The following BDP1 variants were observed in gnomAD, a reference collection of about 807,000 sequenced individuals.
BDP1 encodes BDP1 general transcription factor IIIB subunit.
A neutral mutation model predicts 266.6 loss-of-function variants in BDP1; 169 were observed. The ratio of observed to expected loss-of-function variants is 0.63; its 90% CI spans 0.56 to 0.72. BDP1 has a LOEUF of 0.72. Among genes scored for constraint, BDP1 ranks in the 30% least tolerant of loss-of-function variants. The pLI is 0.00. For synonymous variants in BDP1, 1,090 were observed against 1,022.4 expected, an observed-to-expected ratio of 1.07 and a Z score of -1.26; for missense variants, 3,015 against 3,053.8, an observed-to-expected ratio of 0.99 and a Z score of 0.30.
intron 7 of BDP1, among the ~76,000 whole-genome samples, chr5:71,472,174 GAGT>G (rs1333847446): frequency 6.6e-6 from 1 of 152,044 alleles, no homozygotes; most frequent in African/African-American, 2.4e-5. Flanking sequence ...AGAAAAGTGA[GAGT>G]AGGCTGGGCA....
rs911822911 is a variant in BDP1, at chr5:71,545,163, G to A, written c.6688G>A (p.Glu2230Lys). 7 of 1,613,558 alleles carry A rather than the reference G, an allele frequency of 4.3e-6. No homozygotes were observed. The highest frequency in any genetic ancestry group is 5.9e-6 in the Non-Finnish European group (7 of 1,179,940). ...GGGTCTTGGTGAAAATTCTGTTGAA[G>A]AGCCCCAGATAAAGGACTCTAAAGG... ...DRGLGENSVE[E>K]PQIKDSKGDS... The change falls in exon 32 of 39, where the codon GAG (glutamate) becomes AAG (lysine). Residue 2230 changes from glutamate to lysine, a missense_variant. By Grantham distance (56) the Glu-to-Lys change is moderately conservative (BLOSUM62 1). Coordinates refer to ENST00000358731, the MANE Select transcript of BDP1 (RefSeq NM_018429.3).
chr5:71,547,853 C>G (rs1172137303), intron 32 of BDP1, among the ~76,000 whole-genome samples: 7 of 152,004 alleles, frequency 4.6e-5, no homozygotes, highest in African/African-American at 1.7e-4. Flanking sequence ...GAGACTGAGG[C>G]AGGAGAATTG....
chr5:71,516,480 G>A (rs1031644164), intron 21 of BDP1, among the ~76,000 whole-genome samples: 2 of 151,784 alleles, frequency 1.3e-5, no homozygotes, highest in South Asian at 2.1e-4. Context: ...GCTATTCATC[G>A]TAAAATGTTC....
rs762395335 is a variant in BDP1, at chr5:71,545,043, G to A, written c.6568G>A (p.Glu2190Lys). 8.1e-6 allele frequency: 13 copies of A among 1,611,998 alleles called. No individual in the cohort carries two copies. The highest frequency in any genetic ancestry group is 3.5e-4 in the Middle Eastern group (2 of 5,796). Reference protein sequence around the residue: ...SSEVNLTERNENQEESSQEVH... With the variant: ...SSEVNLTERNKNQEESSQEVH... ...GCATGCTAAACTCTCTTTCAGAAACGAAAATCAAGAAGAGAGCTCTCAGGA... is the reference window on the plus strand; with the variant it reads ...GCATGCTAAACTCTCTTTCAGAAACAAAAATCAAGAAGAGAGCTCTCAGGA... The change falls in exon 32 of 39, where the codon GAA becomes AAA. Residue 2190 changes from glutamate to lysine, a missense_variant. Physicochemically the swap from Glu to Lys is moderately conservative, Grantham distance 56. Coordinates refer to ENST00000358731, the MANE Select transcript of BDP1 (RefSeq NM_018429.3).
chr5:71,521,291 GTT>G (rs1206948176), intron 22 of BDP1, among the ~76,000 whole-genome samples: 15 of 133,488 alleles, frequency 1.1e-4, no homozygotes, highest in South Asian at 2.4e-4. Flanking sequence ...GTTTATATTA[GTT>G]TTTTTTTTTT....
chr5:71,492,008 G>A (rs879369100), intron 11 of BDP1, among the ~76,000 whole-genome samples: 5 of 152,306 alleles, frequency 3.3e-5, no homozygotes, highest in South Asian at 2.1e-4. Flanking sequence ...GAGTCACAGC[G>A]CCCAGCCTCA....
chr5:71,508,589 C>T (rs1212899596), intron 16 of BDP1, among the ~76,000 whole-genome samples: 24 of 151,846 alleles, frequency 1.6e-4, no homozygotes, highest in South Asian at 2.1e-4. Flanking sequence ...CAGCTCAATA[C>T]GTCTTTTTTT....
chr5:71,548,327 A>C (rs1450618741), intron 32 of BDP1, among the ~76,000 whole-genome samples: 1 of 152,206 alleles, frequency 6.6e-6, no homozygotes, highest in African/African-American at 2.4e-5. Context: ...AGGGAACCAT[A>C]CTGCATGCAG....
Position 71,510,858 on chromosome 5 carries a change from G to C in BDP1, c.3766G>C (p.Glu1256Gln). 1 of 1,613,304 alleles carries C rather than the reference G, an allele frequency of 6.2e-7. No homozygotes were observed. The change falls in exon 17 of 39, where the codon GAA (glutamate) becomes CAA (glutamine). Residue 1256 changes from glutamate (E) to glutamine (Q), a missense_variant. Glu to Gln is a conservative substitution (Grantham distance 29). Coordinates refer to ENST00000358731, the MANE Select transcript of BDP1 (RefSeq NM_018429.3). Reference sequence around the variant, plus strand: ...AAGGGAAAAGGAGATTGATTTGAAAGAAACTGGAAAAAGAGACATTCCCAT... The same window carrying C: ...AAGGGAAAAGGAGATTGATTTGAAACAAACTGGAAAAAGAGACATTCCCAT... ...AIREKEIDLK[E>Q]TGKRDIPIME...
chr5:71,502,190 T>TC (rs1491320975), intron 14 of BDP1, among the ~76,000 whole-genome samples: 9 of 70,972 alleles, frequency 1.3e-4, no homozygotes, highest in South Asian at 8.8e-4. Context: ...TTTCTCTCTC[T>TC]TTTTTTTTTT....
intron 16 of BDP1, among the ~76,000 whole-genome samples, chr5:71,505,069 T>C (rs1218506073): frequency 6.6e-6 from 1 of 152,150 alleles, no homozygotes; most frequent in Admixed American, 6.5e-5. Context: ...GGCTGGAGTA[T>C]AATCTCAGCT....
Position 71,564,906 on chromosome 5 carries a change from T to C in BDP1, c.*21T>C. On this transcript the variant is annotated 3_prime_UTR_variant, in exon 39 of 39. Coordinates refer to ENST00000358731, the MANE Select transcript of BDP1 (RefSeq NM_018429.3). ...AATAAAACAATCTTTTCTCTTTTTCTTTTTTAAATTAGGTCTAGGATTTCC... is the reference window on the plus strand; with the variant it reads ...AATAAAACAATCTTTTCTCTTTTTCCTTTTTAAATTAGGTCTAGGATTTCC... The C allele has an allele frequency of 6.4e-7, 1 of 1,572,066 alleles. No individual in the cohort carries two copies. The highest frequency in any genetic ancestry group is 2.2e-5 in the East Asian group (1 of 44,450).
In BDP1 at chr5:71,565,439, C is replaced by T. The variant is rs778663023; in HGVS notation, c.*554C>T. The T allele has an allele frequency of 1.3e-5, 2 of 152,438 alleles. No individual in the cohort carries two copies. The highest frequency in any genetic ancestry group is 2.9e-5 in the Non-Finnish European group (2 of 68,228). 9.4% of individuals were successfully genotyped at this position (152,438 alleles called of 1,614,324 possible). On this transcript the variant is annotated 3_prime_UTR_variant, in exon 39 of 39. Coordinates refer to ENST00000358731, the MANE Select transcript of BDP1 (RefSeq NM_018429.3). ...TAAAATGGAGATAAATTCCTATCAA[C>T]TAGTGACATTATAGCCATCATAACA...
In BDP1 at chr5:71,526,615, C is replaced by CAA. The variant is rs752124588; in HGVS notation, c.5772+2312_5772+2313dup. Among the ~76,000 whole-genome samples the CAA allele has an allele frequency of 2.3e-3, 114 of 49,816 alleles. 3 individuals carry two copies. The highest frequency in any genetic ancestry group is 7.2e-3 in the African/African-American group (87 of 12,040). The allele number at this position is 49,816 out of a possible 152,430, so 32.7% of individuals were successfully genotyped here. ...TGGGAGACAGAGCGAGACTCTATCT[C>CAA]AAAAAAAAAAAAAAAAAAAAAGAAG... On this transcript the variant is annotated intron_variant, in intron 25 of 38. Coordinates refer to ENST00000358731, the MANE Select transcript of BDP1 (RefSeq NM_018429.3).
the BDP1 span, among the ~76,000 whole-genome samples, chr5:71,574,219 C>T: frequency 3.9e-5 from 6 of 152,226 alleles, no homozygotes; most frequent in East Asian, 1.9e-4. Flanking sequence ...AAAGGAATGC[C>T]GCCAGATCTC....
chr5:71,564,050 G>GT (rs1344473520), intron 38 of BDP1, among the ~76,000 whole-genome samples: 1 of 152,100 alleles, frequency 6.6e-6, no homozygotes, highest in East Asian at 1.9e-4. Flanking sequence ...TTTTGGTAAG[G>GT]TATTGGTCTG....
chr5:71,573,594 AT>A, the BDP1 span, among the ~76,000 whole-genome samples: 6 of 152,214 alleles, frequency 3.9e-5, no homozygotes, highest in African/African-American at 1.4e-4. Flanking sequence ...TTACCCTTTG[AT>A]GTAAAACAAT....
chr5:71,476,695 C>T (rs946477595), intron 7 of BDP1, among the ~76,000 whole-genome samples: 3 of 151,984 alleles, frequency 2.0e-5, no homozygotes, highest in African/African-American at 4.8e-5. Flanking sequence ...GCGCGTGCCA[C>T]CACGCCCAGC....
intron 10 of BDP1, 37 bp from the exon 11 acceptor site, chr5:71,490,947 G>A: frequency 6.4e-7 from 1 of 1,562,582 alleles, no homozygotes; most frequent in South Asian, 1.2e-5. Flanking sequence ...TGTTTTTGCT[G>A]TCATTTTTTA....
Sources: allele counts gnomAD v4.1 joint callset (sites outside exome capture counted in the v4.1 genomes callset), GRCh38; gene constraint gnomAD v4.1.1; transcripts MANE v1.5; gene names NCBI Gene and HGNC (gene_info 2026-07-23, HGNC 2026-07-21).